DMD: variants seen among roughly 807,000 people sequenced by gnomAD.
DMD encodes dystrophin, also known as mutant dystrophin.
A neutral mutation model predicts 330.1 loss-of-function variants in DMD; 63 were observed. The observed-to-expected ratio is 0.19, with a 90% CI of 0.16 to 0.24. DMD has a LOEUF of 0.24. DMD is among the 10% of genes least tolerant of loss of function. The probability of loss-of-function intolerance (pLI) is 1.00; values close to 1 mark genes in which losing one functional copy is unlikely to be tolerated. For missense variants in DMD, 3,344 were observed against 2,684.1 expected, an observed-to-expected ratio of 1.25 and a Z score of -5.43; for synonymous variants, 1,223 against 959.8, an observed-to-expected ratio of 1.27 and a Z score of -5.07.
At chrX:32,974,834 T>G (rs1347905668) in intron 2 of DMD, among the ~76,000 whole-genome samples, 1 of 112,008 alleles carries the variant, frequency 8.9e-6, no homozygotes, top group Non-Finnish European at 1.9e-5. Flanking sequence ...TCCTTTCATC[T>G]TGGTCTCTTC....
chrX:32,835,979 A>G (rs751795260), intron 4 of DMD, among the ~76,000 whole-genome samples: 3 of 110,613 alleles, frequency 2.7e-5, no homozygotes, highest in Admixed American at 9.7e-5. Context: ...ATGATTTTCT[A>G]TTAGCAATTA....
chrX:33,304,105 G>T (rs955668592), intron 1 of DMD, among the ~76,000 whole-genome samples: 2 of 110,322 alleles, frequency 1.8e-5, no homozygotes, highest in African/African-American at 6.6e-5. Context: ...TTTTAGATTT[G>T]CTTGTAACGG....
At chrX:31,892,878 A>G (rs965454755) in intron 47 of DMD, among the ~76,000 whole-genome samples, 7 of 112,517 alleles carry the variant, frequency 6.2e-5, no homozygotes, top group Middle Eastern at 4.7e-3. Context: ...TGCAACGTCA[A>G]AATGATACAA....
At chrX:32,042,188 T>TAC (rs200631060) in intron 44 of DMD, among the ~76,000 whole-genome samples, 3,508 of 43,912 alleles carry the variant, frequency 0.08, 205 homozygotes, top group African/African-American at 0.25. Context: ...TATACATACA[T>TAC]ATACACACAC....
chrX:32,765,320 A>T (rs766159570), intron 7 of DMD, among the ~76,000 whole-genome samples: 11 of 109,809 alleles, frequency 1.0e-4, no homozygotes, highest in Non-Finnish European at 1.9e-4. Flanking sequence ...CGTGATAGAG[A>T]GTTCTTATGA....
At chrX:32,207,591 A>C (rs2097075593) in intron 44 of DMD, among the ~76,000 whole-genome samples, 1 of 112,092 alleles carries the variant, frequency 8.9e-6, no homozygotes, top group African/African-American at 3.2e-5. Flanking sequence ...ATATTTCAAC[A>C]GTTCAGCCAC....
intron 44 of DMD, among the ~76,000 whole-genome samples, chrX:32,060,099 T>G (rs1341345523): frequency 9.5e-6 from 1 of 104,758 alleles, no homozygotes; most frequent in Admixed American, 1.0e-4. Context: ...ACCGATTACT[T>G]GCACAGTGAC....
rs576807609 is a variant in DMD, at chrX:32,595,231, G to A, written c.1602+526C>T. ...CAAAGAAATAAAGGCAGAAAATAAG[G>A]TGAAAATGAAAGCAAGTAGAAAACA... On this transcript the variant is annotated intron_variant, in intron 13 of 78. Coordinates refer to ENST00000357033, the MANE Select transcript of DMD (RefSeq NM_004006.3). 4.8e-4 allele frequency among the ~76,000 whole-genome samples: 54 copies of A among 111,412 alleles called. 1 individual carries two copies. Among genetic ancestry groups the A allele is most frequent in the Middle Eastern group, 4.7e-3 (1 of 215 alleles).
intron 6 of DMD, among the ~76,000 whole-genome samples, chrX:32,811,462 TAATTA>T (rs2077364912): frequency 8.9e-6 from 1 of 112,226 alleles, no homozygotes; most frequent in South Asian, 3.7e-4. Context: ...TTATATAATT[TAATTA>T]AATTTCTCTG....
At chrX:31,491,164 A>G (rs1434581744) in intron 57 of DMD, among the ~76,000 whole-genome samples, 1 of 112,319 alleles carries the variant, frequency 8.9e-6, no homozygotes, top group East Asian at 2.8e-4. Flanking sequence ...CAATTTCATT[A>G]GTAAAAAGGC....
At chrX:32,637,451 A>G (rs1351753895) in intron 11 of DMD, among the ~76,000 whole-genome samples, 2 of 111,896 alleles carry the variant, frequency 1.8e-5, no homozygotes, top group Non-Finnish European at 3.8e-5. Context: ...TTTAATTTGA[A>G]TTGTTCCAAC....
intron 42 of DMD, among the ~76,000 whole-genome samples, chrX:32,292,167 A>T (rs945205663): frequency 1.8e-5 from 2 of 109,992 alleles, no homozygotes; most frequent in Non-Finnish European, 3.8e-5. Flanking sequence ...CTGTACTACA[A>T]CCCCTGCACT....
At chrX:32,408,216 T>A (rs780110866) in intron 30 of DMD, among the ~76,000 whole-genome samples, 32 of 112,099 alleles carry the variant, frequency 2.9e-4, no homozygotes, top group Non-Finnish European at 5.6e-4. Flanking sequence ...CATGCAGCTT[T>A]ATTTTCTAAA....
chrX:33,316,859 A>G (rs1310112882), intron 1 of DMD, among the ~76,000 whole-genome samples: 1 of 111,080 alleles, frequency 9.0e-6, no homozygotes, highest in African/African-American at 3.3e-5. Flanking sequence ...TGAATGCAAT[A>G]TATCCCTGAA....
chrX:32,302,606 T>C (rs2405689), intron 42 of DMD, among the ~76,000 whole-genome samples: 25,447 of 110,968 alleles, frequency 0.23, 2,210 homozygotes, highest in South Asian at 0.24. Flanking sequence ...TTTTTTAAGA[T>C]ATAAATATGC....
chrX:32,977,011 C>G (rs756454265), intron 2 of DMD, among the ~76,000 whole-genome samples: 2 of 111,616 alleles, frequency 1.8e-5, no homozygotes, highest in Non-Finnish European at 3.8e-5. Context: ...AACACGGTAG[C>G]CTGGCGTGGT....
At chrX:31,992,331 G>A (rs1051583444) in intron 44 of DMD, among the ~76,000 whole-genome samples, 5 of 111,504 alleles carry the variant, frequency 4.5e-5, no homozygotes, top group African/African-American at 1.6e-4. Flanking sequence ...GACATTTAAT[G>A]TTAGGAAGCA....
intron 44 of DMD, chrX:32,206,838 T>A (rs1306629907): frequency 3.0e-6 from 1 of 336,173 alleles, no homozygotes; most frequent in Non-Finnish European, 5.4e-6. Flanking sequence ...GTGAGAACCT[T>A]CCCTACCATG....
intron 12 of DMD, among the ~76,000 whole-genome samples, chrX:32,598,743 G>A (rs893030699): frequency 8.9e-6 from 1 of 111,833 alleles, no homozygotes; most frequent in Non-Finnish European, 1.9e-5. Context: ...TCATCTATTT[G>A]TTTTATAATT....
Sources: allele counts gnomAD v4.1 joint callset (sites outside exome capture counted in the v4.1 genomes callset), GRCh38; gene constraint gnomAD v4.1.1; transcripts MANE v1.5; gene names NCBI Gene and HGNC (gene_info 2026-07-23, HGNC 2026-07-21).